The following NDUFAF7 variants were observed in gnomAD, a reference collection of about 807,000 sequenced individuals.
NDUFAF7 encodes the protein NADH:ubiquinone oxidoreductase complex assembly factor 7.
A neutral mutation model predicts 47.2 loss-of-function variants in NDUFAF7; 48 were observed. The observed-to-expected ratio is 1.02, with a 90% CI of 0.81 to 1.29. The LOEUF is 1.29. Among genes scored for constraint, NDUFAF7 ranks in the 50% most tolerant of loss-of-function variants. The probability of loss-of-function intolerance (pLI) is 0.00; values close to 1 mark genes in which losing one functional copy is unlikely to be tolerated. For synonymous variants in NDUFAF7, 217 were observed against 190.0 expected (o/e 1.14, Z -1.17); for missense variants, 635 against 537.6 (o/e 1.18, Z -1.79).
the NDUFAF7 span, among the ~76,000 whole-genome samples, chr2:37,270,609 A>G: frequency 2.0e-5 from 3 of 152,198 alleles, no homozygotes; most frequent in Non-Finnish European, 2.9e-5. Context: ...AAAGAAAAAC[A>G]AAGTGGAACT....
In NDUFAF7 at chr2:37,242,780, A is replaced by C. The variant is rs1057135184; in HGVS notation, c.681+87A>C. 5 of 1,050,800 alleles carry C rather than the reference A, an allele frequency of 4.8e-6. No homozygotes were observed. In the African/African-American group the frequency reaches 8.1e-5, roughly 17 times the overall value. The allele number at this position is 1,050,800 out of a possible 1,614,324, so 65.1% of individuals were successfully genotyped here. A position where few individuals can be genotyped will look rare whatever the true frequency, so the allele number is the denominator to read the frequency against. On this transcript the variant is annotated intron_variant, in intron 6 of 9. Coordinates refer to ENST00000002125, the MANE Select transcript of NDUFAF7 (RefSeq NM_144736.5). ...GTTTATGGTATTTATTCAGTATACA[A>C]ATTTTACTTGTTGAGGTTATTTTTA...
intron 2 of NDUFAF7, 44 bp downstream of exon 2, chr2:37,232,310 T>G: frequency 6.8e-6 from 11 of 1,610,178 alleles, no homozygotes; most frequent in Non-Finnish European, 9.3e-6. Flanking sequence ...TCTAGCCGAT[T>G]TGCGAGGTGC....
Position 37,248,728 on chromosome 2 carries a change from A to G in NDUFAF7, c.*378A>G. On this transcript the variant is annotated 3_prime_UTR_variant, in exon 10 of 10. Transcript: ENST00000002125. ...TCAGCAGTTAAAGACCAGCCTGACCAAAATGGAGAAACCCCATCTCTACTA... is the reference window on the plus strand; with the variant it reads ...TCAGCAGTTAAAGACCAGCCTGACCGAAATGGAGAAACCCCATCTCTACTA... The G allele has an allele frequency of 3.5e-6, 1 of 286,940 alleles. No homozygotes were observed. The highest frequency in any genetic ancestry group is 3.5e-5 in the South Asian group (1 of 28,662). The allele number at this position is 286,940 out of a possible 1,614,324, so 17.8% of individuals were successfully genotyped here.
intron 4 of NDUFAF7, among the ~76,000 whole-genome samples, chr2:37,239,583 C>T (rs1422889813): frequency 3.3e-5 from 5 of 152,010 alleles, no homozygotes; most frequent in African/African-American, 4.8e-5. Context: ...TATAAAATAG[C>T]GGAAAATAAC....
intron 2 of NDUFAF7, among the ~76,000 whole-genome samples, chr2:37,233,953 T>A (rs766853134): frequency 1.3e-5 from 2 of 152,260 alleles, no homozygotes; most frequent in African/African-American, 2.4e-5. Flanking sequence ...GCAATACCTG[T>A]GACTTTGTCA....
At chr2:37,248,010 C>A in intron 9 of NDUFAF7, 125 bp from the exon 10 acceptor site, 1 of 796,154 alleles carries the variant, frequency 1.3e-6, no homozygotes, top group Non-Finnish European at 2.1e-6. Flanking sequence ...GATTCTCAGG[C>A]AGGTAATCAG....
At chr2:37,252,782 T>C (rs1667596891), downstream of NDUFAF7, 1 of 151,310 alleles carries the variant, frequency 6.6e-6, no homozygotes, top group African/African-American at 2.4e-5. Flanking sequence ...AGCCAAGCTA[T>C]ATAGTAACTG....
chr2:37,267,778 T>G, the NDUFAF7 span: 2 of 423,574 alleles, frequency 4.7e-6, no homozygotes, highest in South Asian at 6.2e-5. Flanking sequence ...TTGAATGAAC[T>G]TGTTGCTGAA....
chr2:37,256,654 T>TAAAA, downstream of NDUFAF7: 1 of 1,377,264 alleles, frequency 7.3e-7, no homozygotes, highest in Non-Finnish European at 9.4e-7. Context: ...TTTTTTTTTT[T>TAAAA]TTTTTACCTT....
At chr2:37,254,409 A>C (rs1667769806), downstream of NDUFAF7, 1 of 693,524 alleles carries the variant, frequency 1.4e-6, no homozygotes, top group Non-Finnish European at 2.6e-6. Context: ...TTTGCTTCTC[A>C]AGGACGTGGA....
intron 2 of NDUFAF7, among the ~76,000 whole-genome samples, chr2:37,233,439 C>T (rs1320954077): frequency 6.6e-6 from 1 of 152,040 alleles, no homozygotes; most frequent in South Asian, 2.1e-4. Context: ...ACCAGCCTGA[C>T]CAACTTGGTG....
At chr2:37,240,146 C>G (rs1359134639) in intron 4 of NDUFAF7, among the ~76,000 whole-genome samples, 1 of 152,138 alleles carries the variant, frequency 6.6e-6, no homozygotes, top group African/African-American at 2.4e-5. Context: ...AAAAAACAAA[C>G]ATGGCTGGGC....
chr2:37,251,090 T>G (rs1220028567), downstream of NDUFAF7: 1 of 152,636 alleles, frequency 6.6e-6, no homozygotes, highest in African/African-American at 2.4e-5. Flanking sequence ...CCACAGTAGA[T>G]TGATTGCCTA....
chr2:37,265,574 C>T, the NDUFAF7 span, among the ~76,000 whole-genome samples: 7 of 152,110 alleles, frequency 4.6e-5, no homozygotes, highest in African/African-American at 1.4e-4. Flanking sequence ...TGCAGACAGA[C>T]TTAGATTCAA....
chr2:37,270,797 G>A, the NDUFAF7 span, among the ~76,000 whole-genome samples: 2 of 152,144 alleles, frequency 1.3e-5, no homozygotes, highest in Non-Finnish European at 2.9e-5. Context: ...AATCAGATTA[G>A]GAGGCATCCA....
At chr2:37,260,957 T>C in the NDUFAF7 span, among the ~76,000 whole-genome samples, 1 of 152,250 alleles carries the variant, frequency 6.6e-6, no homozygotes, top group African/African-American at 2.4e-5. Context: ...ATACTATTTA[T>C]GCTTATAAAA....
chr2:37,255,068 A>G (rs927145272), downstream of NDUFAF7, among the ~76,000 whole-genome samples: 1 of 152,190 alleles, frequency 6.6e-6, no homozygotes, highest in South Asian at 2.1e-4. Context: ...TCCTAGTTCT[A>G]TTTCTTGTCT....
At chr2:37,270,913 T>A in the NDUFAF7 span, among the ~76,000 whole-genome samples, 1 of 152,318 alleles carries the variant, frequency 6.6e-6, no homozygotes, top group South Asian at 2.1e-4. Flanking sequence ...ATGACATGGA[T>A]GGAGATATCC....
chr2:37,236,701 A>C (rs1665811800), intron 3 of NDUFAF7, among the ~76,000 whole-genome samples: 1 of 151,684 alleles, frequency 6.6e-6, no homozygotes, highest in Admixed American at 6.6e-5. Flanking sequence ...GAATGGCGTG[A>C]ACCCGGGAGG....
Sources: allele counts gnomAD v4.1 joint callset (sites outside exome capture counted in the v4.1 genomes callset), GRCh38; gene constraint gnomAD v4.1.1; transcripts MANE v1.5; gene names NCBI Gene and HGNC (gene_info 2026-07-23, HGNC 2026-07-21).